The following RBM46 variants were observed in gnomAD, a reference collection of about 807,000 sequenced individuals.
The protein encoded by RBM46 is RNA binding motif protein 46.
In RBM46, 12 loss-of-function variants were observed where a neutral mutation model predicts 43.3. That is an observed-to-expected ratio of 0.28 (90% CI 0.18 to 0.45). RBM46 has a LOEUF of 0.45. Ranked by LOEUF, RBM46 falls within the 20% of genes least tolerant of loss-of-function variation. The pLI is 1.00. For missense variants in RBM46, 412 were observed against 639.1 expected (o/e 0.64, Z 3.83); for synonymous variants, 205 against 207.6 (o/e 0.99, Z 0.11).
chr4:154,826,766 A>G, intron 4 of RBM46: 2 of 1,301,920 alleles, frequency 1.5e-6, no homozygotes, highest in Non-Finnish European at 2.1e-6. Context: ...TTCCTGAACT[A>G]GGTCCTTTCT....
At position 154,802,822 on chromosome 4, in the gene RBM46, C is replaced by T. The variant is rs551674641; in HGVS notation, c.1402+3258C>T. ...ATTTGCCTCAGTATCCTTATTTTAA[C>T]CCTTTCAGTGTGATGCTATTTTGGG... On this transcript the variant is annotated intron_variant, in intron 4 of 4. Transcript: ENST00000281722. 4.7e-4 allele frequency among the ~76,000 whole-genome samples: 72 copies of T among 152,076 alleles called. 1 individual carries two copies. In the South Asian group the frequency reaches 8.7e-3, roughly 18 times the overall value.
chr4:154,799,203 G>T lies in RBM46; in HGVS notation c.1041G>T (p.Leu347=). The change falls in exon 4 of 5, where the codon CTG becomes CTT. Residue 347 remains leucine (L), a synonymous_variant. Coordinates refer to ENST00000281722, the MANE Select transcript of RBM46 (RefSeq NM_144979.5). The stretch of plus-strand genomic sequence containing the variant: ...GCCACCCAAAAACTCTAGGCAAGCT[G>T]CCAACTCTTCCTGCTCGTCTCAATG... ...EESHPKTLGK[L]PTLPARLNGQ... The T allele has an allele frequency of 6.2e-7, 1 of 1,614,126 alleles. No homozygotes were observed. Among genetic ancestry groups the T allele is most frequent in the South Asian group, 1.1e-5 (1 of 91,072 alleles).
At chr4:154,806,140 G>A (rs985609986) in intron 4 of RBM46, among the ~76,000 whole-genome samples, 4 of 151,480 alleles carry the variant, frequency 2.6e-5, no homozygotes, top group Non-Finnish European at 5.9e-5. Context: ...TACTCTTGAA[G>A]TTTACTTTTT....
rs1210034121 is a variant in RBM46 at position 154,789,888 on chromosome 4, C to T, written c.-11-6854C>T. ...GTCTATTGAGGGATTCAACTTCTTC[C>T]TGGTTTAGTCTTGGGAGGGTGTATG... On this transcript the variant is annotated intron_variant, in intron 1 of 4. Coordinates refer to ENST00000281722, the MANE Select transcript of RBM46 (RefSeq NM_144979.5). Among the ~76,000 whole-genome samples, 5 of 152,078 alleles carry T rather than the reference C, an allele frequency of 3.3e-5. No homozygotes were observed. In the East Asian group the frequency reaches 7.7e-4, roughly 23 times the overall value.
At chr4:154,820,334 C>CA in intron 4 of RBM46, 1 of 1,446,826 alleles carries the variant, frequency 6.9e-7, no homozygotes, top group Non-Finnish European at 9.3e-7. Flanking sequence ...TCTAAAGACT[C>CA]AATTATTTTC....
In RBM46 at chr4:154,828,052, G is replaced by C. The variant is rs757999258; in HGVS notation, c.1587G>C (p.Gln529His). ...GACAGCGGCTATGTATCTCCAATCA[G>C]GCCTCCTTCTTCTGAAGAAAATACT... is the stretch of plus-strand genomic sequence containing the variant. ...HVGQRLCISN[Q>H]ASFF Residue 529 changes from glutamine to histidine, a missense_variant, in exon 5 of 5, where the codon CAG becomes CAC. Around this residue, in one of 8 missense-constraint regions of RBM46, gnomAD observed 149 missense variants for 156.3 expected, o/e 0.95. Coordinates refer to ENST00000281722, the MANE Select transcript of RBM46 (RefSeq NM_144979.5). 6.2e-7 allele frequency: 1 copy of C among 1,611,368 alleles called. No homozygotes were observed. Among genetic ancestry groups the C allele is most frequent in the Non-Finnish European group, 8.5e-7 (1 of 1,177,666 alleles).
At chr4:154,825,639 T>C (rs947378819) in intron 4 of RBM46, among the ~76,000 whole-genome samples, 1 of 152,204 alleles carries the variant, frequency 6.6e-6, no homozygotes, top group African/African-American at 2.4e-5. Flanking sequence ...GTACAACAAA[T>C]GATCATTGTA....
intron 4 of RBM46, chr4:154,826,748 T>C: frequency 7.2e-7 from 1 of 1,384,608 alleles, no homozygotes; most frequent in Non-Finnish European, 9.7e-7. Context: ...CCTTTTTTTT[T>C]TTTTTTTTTC....
In RBM46 at chr4:154,799,615, T is replaced by C. The variant is rs571567936; in HGVS notation, c.1402+51T>C. ...TGTATAATATGAAATTAGGAAATAC[T>C]GTAGATTATTTTTAAATTCATTTAT... is the stretch of plus-strand genomic sequence containing the variant. On this transcript the variant is annotated intron_variant, in intron 4 of 4. Transcript: ENST00000281722. The C allele has an allele frequency of 3.7e-4, 452 of 1,227,482 alleles. 1 individual carries two copies. Among genetic ancestry groups the C allele is most frequent in the Non-Finnish European group, 4.7e-4 (432 of 912,450 alleles). 76.0% of individuals were successfully genotyped at this position (1,227,482 alleles called of 1,614,324 possible). A position where few individuals can be genotyped will look rare whatever the true frequency, so the allele number is the denominator to read the frequency against.
At chr4:154,825,079 ACTTATATTCTG>A (rs1267419346) in intron 4 of RBM46, among the ~76,000 whole-genome samples, 1 of 152,054 alleles carries the variant, frequency 6.6e-6, no homozygotes, top group East Asian at 1.9e-4. Flanking sequence ...TTAGTGTAAA[ACTTATATTCTG>A]AAATTGGCTC....
chr4:154,827,227 T>G, intron 4 of RBM46: 1 of 908,216 alleles, frequency 1.1e-6, no homozygotes, highest in Non-Finnish European at 1.3e-6. Flanking sequence ...AAGTTGATAA[T>G]GGTTTTTTGA....
chr4:154,816,055 T>G (rs535986305), intron 4 of RBM46, among the ~76,000 whole-genome samples: 1 of 152,260 alleles, frequency 6.6e-6, no homozygotes, highest in African/African-American at 2.4e-5. Flanking sequence ...CCTTCTAATA[T>G]ACACACACAT....
intron 4 of RBM46, among the ~76,000 whole-genome samples, chr4:154,808,791 G>A (rs866724177): frequency 6.6e-6 from 1 of 152,064 alleles, no homozygotes; most frequent in African/African-American, 2.4e-5. Flanking sequence ...CTGTATATAT[G>A]TGTGTACATG....
chr4:154,817,416 T>G (rs1735504483), intron 4 of RBM46, among the ~76,000 whole-genome samples: 1 of 147,160 alleles, frequency 6.8e-6, no homozygotes, highest in African/African-American at 2.5e-5. Flanking sequence ...CACTGCAACC[T>G]CCGCCTCCTG....
chr4:154,813,319 A>C (rs1031044487), intron 4 of RBM46, among the ~76,000 whole-genome samples: 2 of 152,136 alleles, frequency 1.3e-5, no homozygotes, highest in Non-Finnish European at 2.9e-5. Context: ...ACCAGTATAT[A>C]ATTTTTAACA....
chr4:154,815,188 A>T (rs1386085168), intron 4 of RBM46, among the ~76,000 whole-genome samples: 1 of 152,018 alleles, frequency 6.6e-6, no homozygotes, highest in African/African-American at 2.4e-5. Flanking sequence ...TGATACCTGT[A>T]TTTCATCGGA....
intron 4 of RBM46, among the ~76,000 whole-genome samples, chr4:154,814,062 T>C (rs1052861046): frequency 2.0e-5 from 3 of 152,060 alleles, no homozygotes; most frequent in African/African-American, 7.2e-5. Context: ...TACAATGTTA[T>C]GTTTTGTTGA....
chr4:154,783,107 G>C (rs1029564506), intron 1 of RBM46, among the ~76,000 whole-genome samples: 5 of 152,096 alleles, frequency 3.3e-5, no homozygotes, highest in Non-Finnish European at 7.4e-5. Flanking sequence ...GCATTTGTTT[G>C]CATTGTTAAT....
intron 4 of RBM46, among the ~76,000 whole-genome samples, chr4:154,821,117 C>A (rs1037542716): frequency 3.3e-5 from 5 of 151,690 alleles, no homozygotes; most frequent in Non-Finnish European, 5.9e-5. Context: ...ATTTTTATCA[C>A]TTAATAATAT....
Sources: gnomAD v4.1 joint callset for allele counts (sites outside exome capture counted in the v4.1 genomes callset) on GRCh38, gnomAD v4.1.1 for gene constraint, gnomAD v4.1.1 regional missense constraint, MANE v1.5 for transcripts, NCBI Gene and HGNC (gene_info 2026-07-23, HGNC 2026-07-21) for gene names.